IDI2: variants seen among roughly 807,000 people sequenced by gnomAD.
IDI2 encodes isopentenyl-diphosphate delta-isomerase 2.
A neutral mutation model predicts 14.8 loss-of-function variants in IDI2; 18 were observed. The ratio of observed to expected loss-of-function variants is 1.22; its 90% confidence interval spans 0.84 to 1.80. IDI2 has a LOEUF of 1.80. Ranked by LOEUF, IDI2 falls within the 40% of genes most tolerant of loss-of-function variation. The pLI is 0.00. For missense variants in IDI2, 316 were observed against 283.2 expected (o/e 1.12, Z -0.83); for synonymous variants, 133 against 109.6 (o/e 1.21, Z -1.33).
At position 1,019,491 on chromosome 10, in the gene IDI2, C is replaced by T. The variant is rs1278343186; in HGVS notation, c.*26G>A. ...GTCTGCCTGCACTGAGGGCATTACACATGGCTGACTCGACCTCCCTGCCTC... is the reference window on the plus strand; with the variant it reads ...GTCTGCCTGCACTGAGGGCATTACATATGGCTGACTCGACCTCCCTGCCTC... On this transcript the variant is annotated 3_prime_UTR_variant, in exon 5 of 5. Transcript: ENST00000277517. 1 of 1,586,180 alleles carries T rather than the reference C, an allele frequency of 6.3e-7. No homozygotes were observed. The highest frequency in any genetic ancestry group is 1.1e-5 in the South Asian group (1 of 87,104).
intron 1 of IDI2, among the ~76,000 whole-genome samples, chr10:1,025,594 TCTC>T (rs1293074412): frequency 6.6e-6 from 1 of 152,224 alleles, no homozygotes; most frequent in East Asian, 1.9e-4. Context: ...TGTAAAACCT[TCTC>T]ATCATCCTTT....
intron 3 of IDI2, 49 bp downstream of exon 3, chr10:1,022,634 G>A (rs760263808): frequency 6.5e-6 from 9 of 1,381,034 alleles, no homozygotes; most frequent in Non-Finnish European, 9.3e-6. Flanking sequence ...CTCCGGTCAA[G>A]TCACATGAGA....
At chr10:1,024,387 G>A (rs1431589562) in intron 2 of IDI2, among the ~76,000 whole-genome samples, 195 bp downstream of exon 2, 1 of 152,244 alleles carries the variant, frequency 6.6e-6, no homozygotes, top group Admixed American at 6.5e-5. Context: ...GCAGGAGCCT[G>A]ACAAGGGCTT....
chr10:1,021,043 A>G, intron 3 of IDI2, 146 bp from the exon 4 acceptor site: 2 of 840,880 alleles, frequency 2.4e-6, no homozygotes, highest in Non-Finnish European at 3.6e-6. Flanking sequence ...ATGGGCTCTC[A>G]GAGCAGCACT....
At position 1,019,521 on chromosome 10, in the gene IDI2, A is replaced by G; in HGVS notation, c.680T>C (p.Val227Ala). The part of the protein sequence containing the change: ...PFVELHKIHR[V>A] ...CTGACTCGACCTCCCTGCCTCTCAC[A>G]CTCTGTGTATTTTGTGAAGCTCCAC... is the stretch of plus-strand genomic sequence containing the variant. Residue 227 changes from valine to alanine, a missense_variant, in exon 5 of 5, where the codon GTG becomes GCG. Val to Ala is a moderately conservative substitution (Grantham distance 64). Transcript: ENST00000277517. 6.2e-7 allele frequency: 1 copy of G among 1,610,816 alleles called. No individual in the cohort carries two copies. Among genetic ancestry groups the G allele is most frequent in the Non-Finnish European group, 8.5e-7 (1 of 1,177,864 alleles).
Position 1,019,788 on chromosome 10 carries a change from G to A in IDI2, c.413C>T (p.Ala138Val). ...IVFMTIYHHK[A>V]KSDRIWGEHE... is the part of the protein sequence containing the mutation. ...CTCTCCCCAAATTCTGTCTGATTTT[G>A]CCTTGTGGTGATAGATTGTCATGAA... is the stretch of plus-strand genomic sequence containing the variant. Residue 138 changes from alanine to valine, a missense_variant, in exon 5 of 5, where the codon GCA becomes GTA. Ala to Val is a moderately conservative substitution (Grantham distance 64). Transcript: ENST00000277517. The A allele has an allele frequency of 1.2e-6, 2 of 1,614,022 alleles. No homozygotes were observed. The highest frequency in any genetic ancestry group is 1.1e-5 in the South Asian group (1 of 91,078).
intron 4 of IDI2, among the ~76,000 whole-genome samples, chr10:1,020,107 G>A (rs531510049): frequency 6.6e-5 from 10 of 152,240 alleles, no homozygotes; most frequent in South Asian, 2.1e-4. Flanking sequence ...AGAAAACCCC[G>A]TAGAAACCGG....
At chr10:1,021,510 T>C (rs1279604075) in intron 3 of IDI2, among the ~76,000 whole-genome samples, 1 of 152,210 alleles carries the variant, frequency 6.6e-6, no homozygotes, top group African/African-American at 2.4e-5. Context: ...CTTCCTTCGG[T>C]CACTCTGCAA....
At chr10:1,021,957 T>C (rs1257665747) in intron 3 of IDI2, among the ~76,000 whole-genome samples, 3 of 152,170 alleles carry the variant, frequency 2.0e-5, no homozygotes, top group Non-Finnish European at 4.4e-5. Flanking sequence ...GTAAATGCTG[T>C]TCCCCTCTAA....
intron 2 of IDI2, among the ~76,000 whole-genome samples, chr10:1,024,131 A>C (rs749978393): frequency 7.9e-5 from 12 of 152,210 alleles, no homozygotes; most frequent in Non-Finnish European, 1.3e-4. Flanking sequence ...ACAACACCCA[A>C]GGAGCAGGCT....
chr10:1,025,062 G>A (rs990862394), intron 1 of IDI2, among the ~76,000 whole-genome samples: 6 of 106,140 alleles, frequency 5.7e-5, no homozygotes, highest in African/African-American at 1.3e-4. Flanking sequence ...AAAACACACC[G>A]AGGTAAACTG....
At chr10:1,020,633 C>G (rs1372298637) in intron 4 of IDI2, 134 bp downstream of exon 4, 2 of 888,916 alleles carry the variant, frequency 2.2e-6, no homozygotes, top group Non-Finnish European at 3.4e-6. Flanking sequence ...ACAGCCCCAT[C>G]CACAGCCCCA....
chr10:1,019,295 A>C lies in IDI2; in HGVS notation c.*222T>G, dbSNP rs1416118095. 5.9e-6 allele frequency: 3 copies of C among 512,734 alleles called. No homozygotes were observed. The highest frequency in any genetic ancestry group is 6.9e-6 in the Non-Finnish European group (2 of 289,176). The allele number at this position is 512,734 out of a possible 1,614,324, so 31.8% of individuals were successfully genotyped here. A position where few individuals can be genotyped will look rare whatever the true frequency, so the allele number is the denominator to read the frequency against. On this transcript the variant is annotated 3_prime_UTR_variant, in exon 5 of 5. Coordinates refer to ENST00000277517, the MANE Select transcript of IDI2 (RefSeq NM_033261.3). Reference sequence around the variant, plus strand: ...GGAAATTGGGACAAAGGAAATGTTAAATTTCCTCCCTGCAACCAGGCAGAT... The same window carrying C: ...GGAAATTGGGACAAAGGAAATGTTACATTTCCTCCCTGCAACCAGGCAGAT...
At chr10:1,019,955 A>G in intron 4 of IDI2, 121 bp from the exon 5 acceptor site, 1 of 820,148 alleles carries the variant, frequency 1.2e-6, no homozygotes, top group Non-Finnish European at 1.9e-6. Flanking sequence ...TTGGTAATTG[A>G]TAATTTCCAA....
chr10:1,021,257 G>T (rs1011683560), intron 3 of IDI2, among the ~76,000 whole-genome samples: 6 of 152,250 alleles, frequency 3.9e-5, no homozygotes, highest in Non-Finnish European at 8.8e-5. Context: ...GGGGTGGCGG[G>T]AGGAGGTGGT....
chr10:1,020,914 T>G lies in IDI2; in HGVS notation c.236-17A>C. ...TAAAATACCCTGGAAAAAATGCATG[T>G]GGGAACATCCCTCTTTATTCCTGAA... On this transcript the variant is annotated splice_polypyrimidine_tract_variant and intron_variant, in intron 3 of 4. Transcript: ENST00000277517. 1 of 1,606,174 alleles carries G rather than the reference T, an allele frequency of 6.2e-7. No homozygotes were observed. The highest frequency in any genetic ancestry group is 8.5e-7 in the Non-Finnish European group (1 of 1,176,854).
At chr10:1,024,470 C>T (rs1832174103) in intron 2 of IDI2, 112 bp downstream of exon 2, 1 of 1,164,320 alleles carries the variant, frequency 8.6e-7, no homozygotes, top group South Asian at 1.5e-5. Context: ...ACACAGGTGA[C>T]CCAGTGGTCG....
rs1465074946 is a variant in IDI2 at position 1,024,684 on chromosome 10, A to G, written c.40T>C (p.Leu14=). The change falls in exon 2 of 5, where the codon TTG becomes CTG. Residue 14 remains leucine (L), a synonymous_variant. Transcript: ENST00000277517. The stretch of plus-strand genomic sequence containing the variant: ...ATCAGCATTTCCTCCAAGCGCTGCA[A>G]CTGACGCCTGTCAACCCAGTCAAGA... ...INLDWVDRRQ[L]QRLEEMLIVV... 3 of 1,614,074 alleles carry G rather than the reference A, an allele frequency of 1.9e-6. No homozygotes were observed. Among genetic ancestry groups the G allele is most frequent in the African/African-American group, 2.7e-5 (2 of 74,926 alleles).
chr10:1,020,665 C>T (rs1832075722), intron 4 of IDI2, 102 bp downstream of exon 4: 3 of 1,214,682 alleles, frequency 2.5e-6, no homozygotes, highest in South Asian at 3.1e-5. Flanking sequence ...CATGGTGCTT[C>T]ATGAGGTCAA....
Sources: gnomAD v4.1 joint callset for allele counts (sites outside exome capture counted in the v4.1 genomes callset) on GRCh38, gnomAD v4.1.1 for gene constraint, MANE v1.5 for transcripts, NCBI Gene and HGNC (gene_info 2026-07-23, HGNC 2026-07-21) for gene names.